The following FAXC variants were observed in gnomAD, a reference collection of about 807,000 sequenced individuals.
FAXC encodes failed axon connections homolog, metaxin like GST domain containing.
A neutral mutation model predicts 41.9 loss-of-function variants in FAXC; 10 were observed. The observed-to-expected ratio is 0.24, with a 90% CI of 0.15 to 0.41. The LOEUF (loss-of-function observed/expected upper bound fraction) is 0.41. Among genes scored for constraint, FAXC ranks in the 10% least tolerant of loss-of-function variants. The probability of loss-of-function intolerance (pLI) is 1.00; values close to 1 mark genes in which losing one functional copy is unlikely to be tolerated. For missense variants in FAXC, 399 were observed against 510.9 expected (o/e 0.78, Z 2.11); for synonymous variants, 183 against 183.8 (o/e 1.00, Z 0.03).
Position 99,335,103 on chromosome 6 carries a change from C to T in FAXC, c.403-1556G>A, listed in dbSNP as rs183007006. On this transcript the variant is annotated intron_variant, in intron 2 of 5. Transcript: ENST00000389677. Reference sequence around the variant, plus strand: ...AACCATTATTTGCCCTTCCTCTGTGCTTCCACTGTATGGTGTGTAGTCCCC... The same window carrying T: ...AACCATTATTTGCCCTTCCTCTGTGTTTCCACTGTATGGTGTGTAGTCCCC... Among the ~76,000 whole-genome samples the T allele has an allele frequency of 2.6e-5, 4 of 152,334 alleles. No homozygotes were observed. The East Asian group carries it at 7.7e-4, about 29-fold the overall frequency.
At chr6:99,297,354 C>A (rs193071117) in intron 4 of FAXC, among the ~76,000 whole-genome samples, 1 of 152,110 alleles carries the variant, frequency 6.6e-6, no homozygotes, top group Non-Finnish European at 1.5e-5. Flanking sequence ...AGGACAAAGA[C>A]ACACAGTTGT....
intron 2 of FAXC, among the ~76,000 whole-genome samples, chr6:99,341,437 C>G (rs1272082779): frequency 6.6e-6 from 1 of 151,724 alleles, no homozygotes; most frequent in Admixed American, 6.6e-5. Flanking sequence ...AAATATGAAC[C>G]AAAAGAAGGC....
At chr6:99,288,304 G>A (rs1324039052) in intron 5 of FAXC, among the ~76,000 whole-genome samples, 1 of 152,192 alleles carries the variant, frequency 6.6e-6, no homozygotes, top group Admixed American at 6.5e-5. Flanking sequence ...ATGTAGGGAT[G>A]TGTTTGGGTA....
chr6:99,310,413 A>C (rs1298040749), intron 4 of FAXC, among the ~76,000 whole-genome samples: 1 of 151,984 alleles, frequency 6.6e-6, no homozygotes, highest in African/African-American at 2.4e-5. Context: ...CTTCCCCCAG[A>C]CCCCTTTCCC....
At chr6:99,289,386 CATACCTGTTATCTCAGCT>C (rs1383754455) in intron 5 of FAXC, among the ~76,000 whole-genome samples, 1 of 152,148 alleles carries the variant, frequency 6.6e-6, no homozygotes, top group African/African-American at 2.4e-5. Context: ...CACAGTGGTT[CATACCTGTTATCTCAGCT>C]ACTTGGGAGA....
chr6:99,346,422 C>G (rs1024103491), intron 1 of FAXC, among the ~76,000 whole-genome samples: 1 of 152,208 alleles, frequency 6.6e-6, no homozygotes, highest in African/African-American at 2.4e-5. Flanking sequence ...GAGTCTCGCT[C>G]TGTCGCCAGG....
chr6:99,337,663 C>G (rs1773262193), intron 2 of FAXC, among the ~76,000 whole-genome samples: 1 of 152,132 alleles, frequency 6.6e-6, no homozygotes, highest in African/African-American at 2.4e-5. Context: ...CCCAGGACCT[C>G]CCTGTACATT....
chr6:99,333,554 A>G lies in FAXC; in HGVS notation c.403-7T>C. 6.3e-7 allele frequency: 1 copy of G among 1,578,718 alleles called. No individual in the cohort carries two copies. The highest frequency in any genetic ancestry group is 8.6e-7 in the Non-Finnish European group (1 of 1,166,690). On this transcript the variant is annotated splice_region_variant and splice_polypyrimidine_tract_variant and intron_variant, in intron 2 of 5. Coordinates refer to ENST00000389677, the MANE Select transcript of FAXC (RefSeq NM_032511.4). The stretch of plus-strand genomic sequence containing the variant: ...GTTTTCCACCAAAATAGTTCTAAGC[A>G]GAGTACATTTTTAAAAAGAGAAAAG...
chr6:99,307,910 T>C (rs1771989046), intron 4 of FAXC, among the ~76,000 whole-genome samples: 1 of 151,906 alleles, frequency 6.6e-6, no homozygotes, highest in Non-Finnish European at 1.5e-5. Flanking sequence ...CGCTGTGAAA[T>C]ATAAATAGAT....
At position 99,349,472 on chromosome 6, in the gene FAXC, G is replaced by T; in HGVS notation, c.-100C>A. On this transcript the variant is annotated 5_prime_UTR_variant, in exon 1 of 6. Transcript: ENST00000389677. ...GCGGGCTCAGAGGCGCGCGGAGGGC[G>T]CGGGCGGCGCGGGCGGCGGCGACTG... 1 of 841,748 alleles carries T rather than the reference G, an allele frequency of 1.2e-6. No homozygotes were observed. Among genetic ancestry groups the T allele is most frequent in the Non-Finnish European group, 1.4e-6 (1 of 698,902 alleles). 52.1% of individuals were successfully genotyped at this position (841,748 alleles called of 1,614,324 possible). A position where few individuals can be genotyped will look rare whatever the true frequency, so the allele number is the denominator to read the frequency against.
At chr6:99,316,124 G>C (rs2128457894) in intron 4 of FAXC, among the ~76,000 whole-genome samples, 1 of 152,150 alleles carries the variant, frequency 6.6e-6, no homozygotes, top group Middle Eastern at 3.4e-3. Flanking sequence ...GAGAGATCAA[G>C]AGAAGAAACT....
chr6:99,309,648 G>A (rs1772082161), intron 4 of FAXC, among the ~76,000 whole-genome samples: 1 of 152,176 alleles, frequency 6.6e-6, no homozygotes, highest in African/African-American at 2.4e-5. Context: ...GTCTGGAATG[G>A]AGAGGCTGAG....
At chr6:99,337,474 A>G (rs1460035590) in intron 2 of FAXC, among the ~76,000 whole-genome samples, 2 of 152,228 alleles carry the variant, frequency 1.3e-5, no homozygotes, top group East Asian at 3.8e-4. Context: ...GTAAGGAAGA[A>G]AAGCCAAAAA....
intron 1 of FAXC, among the ~76,000 whole-genome samples, chr6:99,344,369 T>C (rs897253835): frequency 4.6e-5 from 7 of 152,276 alleles, no homozygotes; most frequent in Admixed American, 6.5e-5. Context: ...TCCTTCCCCT[T>C]GGCCCTGCCT....
At position 99,306,798 on chromosome 6, in the gene FAXC, T is replaced by A. The variant is rs190799223; in HGVS notation, c.824-14978A>T. On this transcript the variant is annotated intron_variant, in intron 4 of 5. Transcript: ENST00000389677. Reference sequence around the variant, plus strand: ...GTTTGTGCCTAAATTTCCTCATGGATAGGATCGTTGTGAGCATGAAATAAG... The same window carrying A: ...GTTTGTGCCTAAATTTCCTCATGGAAAGGATCGTTGTGAGCATGAAATAAG... 3.0e-4 allele frequency among the ~76,000 whole-genome samples: 46 copies of A among 152,306 alleles called. 1 individual carries two copies. The highest frequency in any genetic ancestry group is 6.8e-3 in the Middle Eastern group (2 of 294).
chr6:99,293,439 T>C (rs1056769367), intron 4 of FAXC, among the ~76,000 whole-genome samples: 3 of 152,248 alleles, frequency 2.0e-5, no homozygotes, highest in African/African-American at 7.2e-5. Flanking sequence ...CTTTCAAAGC[T>C]TTCTGGTGGC....
chr6:99,291,122 T>A (rs551201298), intron 5 of FAXC, among the ~76,000 whole-genome samples: 77 of 152,328 alleles, frequency 5.1e-4, no homozygotes, highest in African/African-American at 1.8e-3. Context: ...TCTGCTACTC[T>A]TAGTGAATGA....
At chr6:99,281,998 G>A (rs112354858) in intron 5 of FAXC, among the ~76,000 whole-genome samples, 463 of 152,254 alleles carry the variant, frequency 3.0e-3, no homozygotes, top group African/African-American at 0.011. Context: ...AAAATATTTA[G>A]GTTTTTATGC....
Position 99,278,495 on chromosome 6 carries a change from C to A in FAXC, c.*2669G>T, listed in dbSNP as rs1770709607. The A allele has an allele frequency of 6.6e-6, 1 of 152,182 alleles. No homozygotes were observed. The highest frequency in any genetic ancestry group is 6.5e-5 in the Admixed American group (1 of 15,272). 9.4% of individuals were successfully genotyped at this position (152,182 alleles called of 1,614,324 possible). A position where few individuals can be genotyped will look rare whatever the true frequency, so the allele number is the denominator to read the frequency against. On this transcript the variant is annotated 3_prime_UTR_variant, in exon 6 of 6. Coordinates refer to ENST00000389677, the MANE Select transcript of FAXC (RefSeq NM_032511.4). ...GCCAGATGACCAAAATGTCCCTTAA[C>A]TTCTTATAGTTTTTTCCTATAATTA... is the stretch of plus-strand genomic sequence containing the variant.
Sources: gnomAD v4.1 joint callset for allele counts (sites outside exome capture counted in the v4.1 genomes callset) on GRCh38, gnomAD v4.1.1 for gene constraint, MANE v1.5 for transcripts, NCBI Gene and HGNC (gene_info 2026-07-23, HGNC 2026-07-21) for gene names.